Variants in SGCZ observed in about 807,000 individuals in gnomAD.
The protein encoded by SGCZ is sarcoglycan zeta.
Under a neutral mutation model 41.3 loss-of-function variants are expected in SGCZ, and 40 were observed. That is an observed-to-expected ratio of 0.97 (90% CI 0.75 to 1.26). The LOEUF (loss-of-function observed/expected upper bound fraction) is 1.26. Among genes scored for constraint, SGCZ ranks in the 50% most tolerant of loss-of-function variants. The probability of loss-of-function intolerance (pLI) is 0.00; values close to 1 mark genes in which losing one functional copy is unlikely to be tolerated. For missense variants in SGCZ, 552 were observed against 369.8 expected (o/e 1.49, Z -4.04); for synonymous variants, 206 against 137.5 (o/e 1.50, Z -3.49).
At position 14,256,648 on chromosome 8, in the gene SGCZ, T is replaced by C. The variant is rs145095746; in HGVS notation, c.337-18969A>G. ...ATGATTTTACATTAGAAAGATGTAG[T>C]TTACCATAACCAATATTTCTAAAAT... is the stretch of plus-strand genomic sequence containing the variant. On this transcript the variant is annotated intron_variant, in intron 3 of 7. Coordinates refer to ENST00000382080, the MANE Select transcript of SGCZ (RefSeq NM_139167.4). Among the ~76,000 whole-genome samples the C allele has an allele frequency of 2.2e-3, 341 of 152,266 alleles. 3 individuals carry two copies. Among genetic ancestry groups the C allele is most frequent in the Non-Finnish European group, 3.6e-3 (245 of 68,010 alleles).
At chr8:14,947,776 A>T (rs570807904) in intron 1 of SGCZ, among the ~76,000 whole-genome samples, 1 of 152,324 alleles carries the variant, frequency 6.6e-6, no homozygotes, top group African/African-American at 2.4e-5. Flanking sequence ...ACATCAGGGC[A>T]TCTCGTTCAG....
chr8:14,938,431 T>A (rs1800156560), intron 1 of SGCZ, among the ~76,000 whole-genome samples: 1 of 152,196 alleles, frequency 6.6e-6, no homozygotes, highest in Admixed American at 6.5e-5. Flanking sequence ...GATGAAGACA[T>A]TTATGATGAT....
In SGCZ at chr8:14,309,735, G is replaced by A. The variant is rs1027188877; in HGVS notation, c.336+14368C>T. On this transcript the variant is annotated intron_variant, in intron 3 of 7. Transcript: ENST00000382080. The stretch of plus-strand genomic sequence containing the variant: ...GTTAAGCAATCGAGATTTGGGAGCT[G>A]AACCAAAGCCTCTTCAAAAAGCAGA... 10 of 1,601,250 alleles carry A rather than the reference G, an allele frequency of 6.2e-6. No homozygotes were observed. In the African/African-American group the frequency reaches 1.3e-4, roughly 21 times the overall value.
intron 2 of SGCZ, among the ~76,000 whole-genome samples, chr8:14,382,394 C>G (rs1804400454): frequency 6.6e-6 from 1 of 151,878 alleles, no homozygotes; most frequent in Non-Finnish European, 1.5e-5. Context: ...ACAGACCTGT[C>G]TGATGGTCAC....
chr8:14,547,076 C>T (rs376060934), intron 2 of SGCZ, among the ~76,000 whole-genome samples: 1 of 151,956 alleles, frequency 6.6e-6, no homozygotes, highest in African/African-American at 2.4e-5. Context: ...ACTTTCCTCT[C>T]ATATTTAAAT....
intron 2 of SGCZ, among the ~76,000 whole-genome samples, chr8:14,489,913 C>G (rs1184322600): frequency 7.2e-6 from 1 of 138,158 alleles, no homozygotes; most frequent in East Asian, 2.1e-4. Context: ...GTCGCCCAGA[C>G]TGGAGTACAA....
intron 1 of SGCZ, among the ~76,000 whole-genome samples, chr8:14,566,926 C>T (rs1031826938): frequency 6.6e-6 from 1 of 152,148 alleles, no homozygotes; most frequent in Non-Finnish European, 1.5e-5. Context: ...TCAGAGCGGC[C>T]GGCTGGCCCC....
intron 1 of SGCZ, among the ~76,000 whole-genome samples, chr8:14,662,132 T>C (rs180840166): frequency 1.3e-4 from 17 of 135,008 alleles, no homozygotes; most frequent in African/African-American, 5.2e-4. Flanking sequence ...ATCCAGTCAC[T>C]GTAATACTAC....
At chr8:14,306,279 C>G (rs1283430922) in intron 3 of SGCZ, among the ~76,000 whole-genome samples, 4 of 152,082 alleles carry the variant, frequency 2.6e-5, no homozygotes, top group Non-Finnish European at 5.9e-5. Context: ...ACATAAAGTA[C>G]TTAATCAAAA....
chr8:14,834,842 C>G (rs910353498), intron 1 of SGCZ, among the ~76,000 whole-genome samples: 1 of 152,186 alleles, frequency 6.6e-6, no homozygotes, highest in Admixed American at 6.5e-5. Flanking sequence ...TCTGCAGGAG[C>G]TTGAGCAAGT....
intron 7 of SGCZ, 102 bp from the exon 8 acceptor site, chr8:14,090,739 A>G (rs940193487): frequency 1.2e-5 from 12 of 1,005,342 alleles, no homozygotes; most frequent in Admixed American, 2.7e-5. Flanking sequence ...TCGACACAAC[A>G]AACAATTCCA....
chr8:14,504,277 T>C (rs1453233604), intron 2 of SGCZ, among the ~76,000 whole-genome samples: 1 of 152,242 alleles, frequency 6.6e-6, no homozygotes, highest in African/African-American at 2.4e-5. Flanking sequence ...TTTAAATCTC[T>C]GAAATGACTT....
chr8:15,169,436 G>C (rs148553084), intron 1 of SGCZ, among the ~76,000 whole-genome samples: 8 of 152,244 alleles, frequency 5.3e-5, no homozygotes, highest in Non-Finnish European at 1.2e-4. Flanking sequence ...CCAGTCAAAC[G>C]AGAGTCACTG....
At chr8:15,235,597 G>C (rs368922978) in intron 1 of SGCZ, among the ~76,000 whole-genome samples, 24 of 152,246 alleles carry the variant, frequency 1.6e-4, no homozygotes, top group African/African-American at 5.1e-4. Flanking sequence ...CAGGAGTAGT[G>C]ACATTAAGCT....
At chr8:14,186,594 T>G (rs1415376199) in intron 4 of SGCZ, among the ~76,000 whole-genome samples, 1 of 152,102 alleles carries the variant, frequency 6.6e-6, no homozygotes, top group Non-Finnish European at 1.5e-5. Context: ...AAGCAGAGAT[T>G]TTACTGAGAG....
chr8:15,000,161 G>A (rs1563424642), intron 1 of SGCZ, among the ~76,000 whole-genome samples: 1 of 152,110 alleles, frequency 6.6e-6, no homozygotes, highest in South Asian at 2.1e-4. Context: ...ACGGCAGGAG[G>A]GCAGCCGTCT....
At chr8:14,945,540 T>C (rs2130826825) in intron 1 of SGCZ, among the ~76,000 whole-genome samples, 1 of 152,036 alleles carries the variant, frequency 6.6e-6, no homozygotes, top group East Asian at 2.0e-4. Context: ...TAATTTTAGG[T>C]GTCAGTTTGG....
chr8:15,093,738 T>C (rs1806234770), intron 1 of SGCZ, among the ~76,000 whole-genome samples: 1 of 152,214 alleles, frequency 6.6e-6, no homozygotes, highest in Non-Finnish European at 1.5e-5. Context: ...AATTGATTTA[T>C]GACGATTTGA....
At chr8:14,996,156 A>C (rs920950550) in intron 1 of SGCZ, among the ~76,000 whole-genome samples, 7 of 151,452 alleles carry the variant, frequency 4.6e-5, no homozygotes, top group African/African-American at 1.7e-4. Context: ...GCCCACCTCA[A>C]CCTCCCAAAG....
Sources: gnomAD v4.1 joint callset for allele counts (sites outside exome capture counted in the v4.1 genomes callset) on GRCh38, gnomAD v4.1.1 for gene constraint, MANE v1.5 for transcripts, NCBI Gene and HGNC (gene_info 2026-07-23, HGNC 2026-07-21) for gene names.